TIMM9: variants seen among roughly 807,000 people sequenced by gnomAD.
TIMM9 encodes the protein mitochondrial import inner membrane translocase subunit Tim9.
TIMM9 carries 10 observed loss-of-function variants against 13.4 expected under a neutral mutation model. That is an observed-to-expected ratio of 0.75 (90% CI 0.46 to 1.26). TIMM9 has a LOEUF of 1.26. TIMM9 is among the 50% of genes most tolerant of loss of function. The pLI, the probability that TIMM9 is intolerant of heterozygous loss-of-function variation, is 0.00. For synonymous variants in TIMM9, 32 were observed against 32.1 expected, an observed-to-expected ratio of 1.00 and a Z score of 0.01; for missense variants, 87 against 100.8, an observed-to-expected ratio of 0.86 and a Z score of 0.58.
At chr14:58,418,004 C>T (rs2036470456) in intron 3 of TIMM9, among the ~76,000 whole-genome samples, 1 of 151,890 alleles carries the variant, frequency 6.6e-6, no homozygotes, top group South Asian at 2.1e-4. Context: ...ATATTAAAAC[C>T]AGGCAAAGAC....
rs927990225 is a variant in TIMM9 at position 58,426,072 on chromosome 14, G to C, written c.-115+982C>G. ...GCGGAGGTTGCAGTGAGCCAAGATC[G>C]CGCCACTGCACTCCAGCCTGTGCCA... is the stretch of plus-strand genomic sequence containing the variant. On this transcript the variant is annotated intron_variant, in intron 2 of 5. Coordinates refer to ENST00000395159, the MANE Select transcript of TIMM9 (RefSeq NM_012460.4). 4.8e-4 allele frequency among the ~76,000 whole-genome samples: 73 copies of C among 151,730 alleles called. 2 individuals are homozygous for C. The highest frequency in any genetic ancestry group is 4.0e-3 in the Admixed American group (61 of 15,246).
At chr14:58,410,697 T>C in intron 5 of TIMM9, 146 bp downstream of exon 5, 1 of 574,196 alleles carries the variant, frequency 1.7e-6, no homozygotes, top group Non-Finnish European at 3.0e-6. Flanking sequence ...CGTGGTTCAG[T>C]GGCTGCTTCA....
intron 3 of TIMM9, among the ~76,000 whole-genome samples, chr14:58,412,457 A>C (rs920898784): frequency 1.3e-5 from 2 of 152,172 alleles, no homozygotes; most frequent in Non-Finnish European, 2.9e-5. Context: ...TAGATTTTCT[A>C]ATGCTAGTTT....
At chr14:58,409,241 G>T (rs1427867336) in intron 5 of TIMM9, 73 bp from the exon 6 acceptor site, 3 of 1,538,758 alleles carry the variant, frequency 1.9e-6, no homozygotes, top group Non-Finnish European at 2.6e-6. Flanking sequence ...TATTCTAAAA[G>T]AATCAGTGGG....
At position 58,427,512 on chromosome 14, in the gene TIMM9, G is replaced by A; in HGVS notation, c.-424C>T. ...TTGGATGAGACTGTAGAGCGGTCTTGTGCGGCAATGTGCTACCTTAAAATA... is the reference window on the plus strand; with the variant it reads ...TTGGATGAGACTGTAGAGCGGTCTTATGCGGCAATGTGCTACCTTAAAATA... On this transcript the variant is annotated 5_prime_UTR_variant, in exon 1 of 6. Transcript: ENST00000395159. 1 of 1,393,510 alleles carries A rather than the reference G, an allele frequency of 7.2e-7. No individual in the cohort carries two copies. Among genetic ancestry groups the A allele is most frequent in the Non-Finnish European group, 9.8e-7 (1 of 1,021,050 alleles). 86.3% of individuals were successfully genotyped at this position (1,393,510 alleles called of 1,614,324 possible).
At chr14:58,413,803 C>A (rs553507296) in intron 3 of TIMM9, among the ~76,000 whole-genome samples, 1 of 151,006 alleles carries the variant, frequency 6.6e-6, no homozygotes, top group Admixed American at 6.6e-5. Flanking sequence ...GTCAGGAGAT[C>A]GAGACCATCC....
chr14:58,421,421 T>A (rs2036585358), intron 3 of TIMM9, among the ~76,000 whole-genome samples: 1 of 152,200 alleles, frequency 6.6e-6, no homozygotes, highest in African/African-American at 2.4e-5. Flanking sequence ...ATATTCTGTA[T>A]CTTGATTGTA....
At chr14:58,418,853 A>G (rs2140333186) in intron 3 of TIMM9, among the ~76,000 whole-genome samples, 1 of 152,298 alleles carries the variant, frequency 6.6e-6, no homozygotes, top group East Asian at 1.9e-4. Flanking sequence ...AAGACTCAAT[A>G]TAGTAAGAAT....
intron 2 of TIMM9, among the ~76,000 whole-genome samples, chr14:58,424,535 T>C (rs2036679354): frequency 6.6e-6 from 1 of 152,254 alleles, no homozygotes; most frequent in South Asian, 2.1e-4. Context: ...TTATGACACA[T>C]ATCATCTATC....
chr14:58,423,354 C>T (rs1241099576), intron 3 of TIMM9, among the ~76,000 whole-genome samples: 1 of 151,138 alleles, frequency 6.6e-6, no homozygotes, highest in Non-Finnish European at 1.5e-5. Flanking sequence ...CCCGTCTCTA[C>T]TAAAAATACA....
chr14:58,412,138 G>T, intron 3 of TIMM9, 167 bp from the exon 4 acceptor site: 1 of 512,072 alleles, frequency 2.0e-6, no homozygotes, highest in African/African-American at 2.0e-5. Context: ...TTACAGTTGA[G>T]AATTAGATTT....
intron 2 of TIMM9, among the ~76,000 whole-genome samples, chr14:58,425,978 G>T (rs899341030): frequency 2.6e-5 from 4 of 151,418 alleles, no homozygotes; most frequent in Admixed American, 6.6e-5. Flanking sequence ...TTAGCTGGGC[G>T]TGGTGGCGGG....
At chr14:58,409,210 A>G (rs941691195) in intron 5 of TIMM9, 42 bp from the exon 6 acceptor site, 5 of 1,596,242 alleles carry the variant, frequency 3.1e-6, no homozygotes, top group Non-Finnish European at 4.3e-6. Context: ...ACACAAAAAT[A>G]TGAATTTTTT....
chr14:58,426,600 T>C (rs2036827290), intron 2 of TIMM9, among the ~76,000 whole-genome samples: 1 of 152,188 alleles, frequency 6.6e-6, no homozygotes, highest in African/African-American at 2.4e-5. Flanking sequence ...TCGGATTACA[T>C]TTTCTGCTTT....
At chr14:58,425,874 T>G (rs2036741918) in intron 2 of TIMM9, among the ~76,000 whole-genome samples, 1 of 152,112 alleles carries the variant, frequency 6.6e-6, no homozygotes, top group African/African-American at 2.4e-5. Context: ...ATACTAGCAC[T>G]TTGGTAGGCC....
intron 3 of TIMM9, among the ~76,000 whole-genome samples, chr14:58,414,070 A>G (rs990171475): frequency 6.6e-5 from 10 of 151,364 alleles, no homozygotes; most frequent in Admixed American, 4.6e-4. Context: ...TGAAACAGAA[A>G]TTAAACAGCA....
At position 58,408,892 on chromosome 14, in the gene TIMM9, C is replaced by A; in HGVS notation, c.*142G>T. 1 of 1,222,278 alleles carries A rather than the reference C, an allele frequency of 8.2e-7. No homozygotes were observed. Among genetic ancestry groups the A allele is most frequent in the Non-Finnish European group, 1.1e-6 (1 of 890,122 alleles). 75.7% of individuals were successfully genotyped at this position (1,222,278 alleles called of 1,614,324 possible). On this transcript the variant is annotated 3_prime_UTR_variant, in exon 6 of 6. Coordinates refer to ENST00000395159, the MANE Select transcript of TIMM9 (RefSeq NM_012460.4). Reference sequence around the variant, plus strand: ...GTAAATAGCAATTTTGTTTCTCCAGCGGTTTCCATTTGCCAAACAGTCATG... The same window carrying A: ...GTAAATAGCAATTTTGTTTCTCCAGAGGTTTCCATTTGCCAAACAGTCATG...
chr14:58,408,705 T>C lies in TIMM9; in HGVS notation c.*329A>G, dbSNP rs1234966078. 6.6e-6 allele frequency: 6 copies of C among 914,362 alleles called. No individual in the cohort carries two copies. The highest frequency in any genetic ancestry group is 9.8e-6 in the Non-Finnish European group (6 of 613,918). The allele number at this position is 914,362 out of a possible 1,614,324, so 56.6% of individuals were successfully genotyped here. A position where few individuals can be genotyped will look rare whatever the true frequency, so the allele number is the denominator to read the frequency against. ...AATAAAAATTTTTCTATCTCATACA[T>C]GATCGAACACATAAGTTGCTTTAAA... On this transcript the variant is annotated 3_prime_UTR_variant, in exon 6 of 6. Coordinates refer to ENST00000395159, the MANE Select transcript of TIMM9 (RefSeq NM_012460.4).
At chr14:58,420,164 C>G (rs1035222150) in intron 3 of TIMM9, among the ~76,000 whole-genome samples, 1 of 151,820 alleles carries the variant, frequency 6.6e-6, no homozygotes, top group South Asian at 2.1e-4. Context: ...TATTTGACAT[C>G]AAAAACACTA....
Sources: gnomAD v4.1 joint callset for allele counts (sites outside exome capture counted in the v4.1 genomes callset) on GRCh38, gnomAD v4.1.1 for gene constraint, MANE v1.5 for transcripts, NCBI Gene and HGNC (gene_info 2026-07-23, HGNC 2026-07-21) for gene names.